The following PTPN4 variants were observed in gnomAD, a reference collection of about 807,000 sequenced individuals.
The protein encoded by PTPN4 is protein tyrosine phosphatase non-receptor type 4.
A neutral mutation model predicts 135.5 loss-of-function variants in PTPN4; 49 were observed. That is an observed-to-expected ratio of 0.36 (90% CI 0.29 to 0.46). The LOEUF (loss-of-function observed/expected upper bound fraction) is 0.46. PTPN4 is among the 20% of genes least tolerant of loss of function. The probability of loss-of-function intolerance (pLI) is 1.00; values close to 1 mark genes in which losing one functional copy is unlikely to be tolerated. For synonymous variants in PTPN4, 333 were observed against 369.9 expected (o/e 0.90, Z 1.14); for missense variants, 860 against 1,101.0 (o/e 0.78, Z 3.10).
chr2:119,883,963 G>A (rs550872889), intron 8 of PTPN4, among the ~76,000 whole-genome samples: 4 of 152,156 alleles, frequency 2.6e-5, no homozygotes, highest in Non-Finnish European at 2.9e-5. Flanking sequence ...GCAGTGGCGC[G>A]ATCTCAGCTC....
At chr2:119,960,196 CAT>C (rs1177581434) in intron 22 of PTPN4, among the ~76,000 whole-genome samples, 2 of 152,102 alleles carry the variant, frequency 1.3e-5, no homozygotes, top group Non-Finnish European at 2.9e-5. Flanking sequence ...TTTGAATTGT[CAT>C]GTGCATATAT....
intron 2 of PTPN4, among the ~76,000 whole-genome samples, chr2:119,810,829 CT>C (rs1352439916): frequency 9.9e-5 from 15 of 151,918 alleles, no homozygotes; most frequent in Admixed American, 3.9e-4. Context: ...CTCTACATGA[CT>C]TTTTTTTCCT....
intron 15 of PTPN4, among the ~76,000 whole-genome samples, chr2:119,935,389 G>A (rs1374556372): frequency 6.6e-6 from 1 of 152,220 alleles, no homozygotes; most frequent in Non-Finnish European, 1.5e-5. Context: ...TAGGTAAGAA[G>A]ATTTATTTCT....
chr2:119,855,550 T>C (rs114696400), intron 2 of PTPN4, among the ~76,000 whole-genome samples: 3,542 of 152,242 alleles, frequency 0.023, 130 homozygotes, highest in African/African-American at 0.077. Context: ...TATCCGTCTT[T>C]AGGATAGTCA....
chr2:119,915,269 C>T (rs1309249913), intron 11 of PTPN4, 27 bp downstream of exon 11: 5 of 1,481,600 alleles, frequency 3.4e-6, no homozygotes, highest in Non-Finnish European at 4.5e-6. Context: ...TAATTATTGA[C>T]ATAAATGAAG....
intron 10 of PTPN4, among the ~76,000 whole-genome samples, chr2:119,902,280 T>G (rs1678416855): frequency 2.0e-5 from 3 of 152,220 alleles, no homozygotes; most frequent in Admixed American, 1.3e-4. Flanking sequence ...ATATTTTGGT[T>G]AAAGTGTTGA....
At chr2:119,814,409 G>T (rs937360498) in intron 2 of PTPN4, among the ~76,000 whole-genome samples, 2 of 152,126 alleles carry the variant, frequency 1.3e-5, no homozygotes, top group Admixed American at 6.5e-5. Context: ...ATGGTGATTG[G>T]CTGTAGGGGA....
chr2:119,827,696 CTATT>C (rs1292957366), intron 2 of PTPN4, among the ~76,000 whole-genome samples: 1 of 152,118 alleles, frequency 6.6e-6, no homozygotes, highest in East Asian at 1.9e-4. Context: ...CTTACTGTTA[CTATT>C]TGTCTCTTGC....
intron 2 of PTPN4, among the ~76,000 whole-genome samples, chr2:119,835,262 G>A (rs1378291628): frequency 6.6e-6 from 1 of 152,072 alleles, no homozygotes; most frequent in East Asian, 1.9e-4. Context: ...TCAGCTCACT[G>A]CAACCTTCGT....
At chr2:119,772,394 T>C (rs1195980855) in intron 1 of PTPN4, among the ~76,000 whole-genome samples, 1 of 152,228 alleles carries the variant, frequency 6.6e-6, no homozygotes, top group Non-Finnish European at 1.5e-5. Context: ...TTATATGCAA[T>C]TCTGAAATTC....
At chr2:119,810,115 T>C (rs1480714001) in intron 2 of PTPN4, 124 bp downstream of exon 2, 8 of 1,176,214 alleles carry the variant, frequency 6.8e-6, no homozygotes, top group Non-Finnish European at 9.2e-6. Flanking sequence ...AAAAAAGTCT[T>C]TTTGGTGCAG....
intron 3 of PTPN4, among the ~76,000 whole-genome samples, chr2:119,870,224 T>C (rs1021868865): frequency 6.6e-6 from 1 of 152,114 alleles, no homozygotes; most frequent in Non-Finnish European, 1.5e-5. Flanking sequence ...CACCAAAAAA[T>C]AGCAAATCAC....
intron 3 of PTPN4, among the ~76,000 whole-genome samples, chr2:119,870,623 G>A (rs987506031): frequency 1.3e-5 from 2 of 152,026 alleles, no homozygotes; most frequent in South Asian, 2.1e-4. Context: ...TCTTAGTATC[G>A]ATATAAGTCA....
At chr2:119,795,665 C>A (rs943214784) in intron 1 of PTPN4, among the ~76,000 whole-genome samples, 1 of 152,232 alleles carries the variant, frequency 6.6e-6, no homozygotes, top group Non-Finnish European at 1.5e-5. Context: ...TTCCTGGGTC[C>A]CCCAAGATTG....
chr2:119,825,495 CT>C (rs891070534), intron 2 of PTPN4, among the ~76,000 whole-genome samples: 3,521 of 129,224 alleles, frequency 0.027, 43 homozygotes, highest in Non-Finnish European at 0.034. Context: ...GAACCCAAGC[CT>C]TTTTTTTTTT....
intron 2 of PTPN4, among the ~76,000 whole-genome samples, chr2:119,850,080 G>A (rs972591073): frequency 9.9e-5 from 15 of 152,174 alleles, no homozygotes; most frequent in East Asian, 1.9e-4. Flanking sequence ...ACTAGCTGAC[G>A]TATGTTGTTT....
chr2:119,888,745 G>C (rs1332226069), intron 9 of PTPN4, among the ~76,000 whole-genome samples: 9 of 152,118 alleles, frequency 5.9e-5, no homozygotes, highest in Admixed American at 5.9e-4. Flanking sequence ...CTTTGTTCAA[G>C]ATGTTGGTGT....
intron 12 of PTPN4, among the ~76,000 whole-genome samples, chr2:119,923,161 G>A (rs1261067202): frequency 6.6e-6 from 1 of 152,144 alleles, no homozygotes; most frequent in Non-Finnish European, 1.5e-5. Context: ...ATTGTTTGAG[G>A]CCAGGAGTTC....
intron 15 of PTPN4, among the ~76,000 whole-genome samples, chr2:119,941,632 A>G (rs1210242837): frequency 6.6e-6 from 1 of 152,182 alleles, no homozygotes; most frequent in Non-Finnish European, 1.5e-5. Context: ...TTAATAAGAA[A>G]GTTACATAAG....
Sources: gnomAD v4.1 joint callset for allele counts (sites outside exome capture counted in the v4.1 genomes callset) on GRCh38, gnomAD v4.1.1 for gene constraint, MANE v1.5 for transcripts, NCBI Gene and HGNC (gene_info 2026-07-23, HGNC 2026-07-21) for gene names.